Variants in ZMYM1 observed in about 807,000 individuals in gnomAD.
The protein encoded by ZMYM1 is zinc finger MYM-type protein 1.
ZMYM1 carries 39 observed loss-of-function variants against 60.0 expected under a neutral mutation model. The ratio of observed to expected loss-of-function variants is 0.65; its 90% CI spans 0.50 to 0.85. The LOEUF is 0.85. Ranked by LOEUF, ZMYM1 falls within the 40% of genes least tolerant of loss-of-function variation. The pLI is 0.00. For missense variants in ZMYM1, 1,171 were observed against 1,309.5 expected, an observed-to-expected ratio of 0.89 and a Z score of 1.63; for synonymous variants, 413 against 454.0, an observed-to-expected ratio of 0.91 and a Z score of 1.15.
chr1:35,091,829 G>T (rs1643023094), intron 1 of ZMYM1, among the ~76,000 whole-genome samples: 1 of 145,430 alleles, frequency 6.9e-6, no homozygotes, highest in African/African-American at 2.5e-5. Context: ...CCAGGAGGGT[G>T]AGGCTGCAGT....
At chr1:35,078,264 A>ATGGTCCTTAAT (rs1204528989), upstream of ZMYM1, among the ~76,000 whole-genome samples, 5 of 152,210 alleles carry the variant, frequency 3.3e-5, no homozygotes, top group Non-Finnish European at 1.5e-5. Context: ...TTTAAGGACC[A>ATGGTCCTTAAT]TAGCAGCAAG....
chr1:35,113,551 A>T lies in ZMYM1; in HGVS notation c.1721A>T (p.Asn574Ile). The T allele has an allele frequency of 1.2e-6, 2 of 1,613,404 alleles. No individual in the cohort carries two copies. Among genetic ancestry groups the T allele is most frequent in the Non-Finnish European group, 1.7e-6 (2 of 1,179,806 alleles). The change falls in exon 10 of 10, where the codon AAC becomes ATC. Residue 574 changes from asparagine (N) to isoleucine (I), a missense_variant. Transcript: ENST00000359858. ...LGKQCLPLRG[N>I]DQSVSSVNKG... ...AAGCAGTGTTTACCCTTAAGAGGAA[A>T]CGACCAGTCAGTTTCATCTGTGAAT...
chr1:35,095,932 A>G (rs970419762), intron 3 of ZMYM1, 41 bp downstream of exon 3: 2 of 1,383,536 alleles, frequency 1.4e-6, no homozygotes, highest in Non-Finnish European at 2.0e-6. Context: ...ATTCAGACCA[A>G]TACGACAGCT....
At chr1:35,097,631 G>A (rs1381334515) in intron 4 of ZMYM1, 65 bp downstream of exon 4, 3 of 1,572,126 alleles carry the variant, frequency 1.9e-6, no homozygotes, top group Non-Finnish European at 2.6e-6. Flanking sequence ...AGTCTTAGTT[G>A]TAATTTCTAC....
At chr1:35,089,630 AT>A (rs5773496) in intron 1 of ZMYM1, among the ~76,000 whole-genome samples, 133,310 of 151,434 alleles carry the variant, frequency 0.88, 58,827 homozygotes, top group Non-Finnish European at 0.93. Flanking sequence ...GTTTTTTGTT[AT>A]TTTTTTCTTT....
intron 1 of ZMYM1, among the ~76,000 whole-genome samples, chr1:35,091,532 C>G (rs1239072343): frequency 1.3e-5 from 2 of 151,804 alleles, no homozygotes; most frequent in Non-Finnish European, 2.9e-5. Flanking sequence ...ATTTAATAGG[C>G]AATTAGGTAT....
At chr1:35,092,351 G>T (rs1464847599) in intron 1 of ZMYM1, among the ~76,000 whole-genome samples, 2 of 151,624 alleles carry the variant, frequency 1.3e-5, no homozygotes, top group Non-Finnish European at 1.5e-5. Context: ...TCCTGCCTTA[G>T]CTTCCTGAGT....
At chr1:35,097,792 G>A (rs1423448370) in intron 4 of ZMYM1, 2 of 514,426 alleles carry the variant, frequency 3.9e-6, no homozygotes, top group East Asian at 7.3e-5. Context: ...TTACAGCCAT[G>A]CACCACCACG....
At chr1:35,092,980 G>C (rs1643113785) in intron 1 of ZMYM1, among the ~76,000 whole-genome samples, 1 of 152,150 alleles carries the variant, frequency 6.6e-6, no homozygotes, top group East Asian at 1.9e-4. Context: ...GGCAAGGAGA[G>C]TACTGGGGAA....
Position 35,112,087 on chromosome 1 carries a change from A to C in ZMYM1, c.1103A>C (p.Asp368Ala). 6.2e-7 allele frequency: 1 copy of C among 1,613,024 alleles called. No individual in the cohort carries two copies. Among genetic ancestry groups the C allele is most frequent in the South Asian group, 1.1e-5 (1 of 90,860 alleles). ...LPIMNTDVLQDTVSSVTATAD... is the reference protein window; with the variant it reads ...LPIMNTDVLQATVSSVTATAD... ...TTGAATTTATGCTCTATTTTAACAG[A>C]TACAGTTTCTTCAGTAACAGCAACA... Residue 368 changes from aspartate (D) to alanine (A), a missense_variant and splice_region_variant, in exon 9 of 10, where the codon GAT becomes GCT. Transcript: ENST00000359858.
At chr1:35,087,416 T>C (rs1278879241) in intron 1 of ZMYM1, among the ~76,000 whole-genome samples, 1 of 133,908 alleles carries the variant, frequency 7.5e-6, no homozygotes, top group Non-Finnish European at 1.6e-5. Context: ...AAATAACTCT[T>C]GAAACTTGCA....
rs935702580 is a variant in ZMYM1 at position 35,097,525 on chromosome 1, T to C, written c.378T>C (p.Ser126=). The part of the protein sequence containing the change: ...PCITEYISSA[S]SPVPSKRTCS... ...TCACTGAATACATTTCATCTGCCAG[T>C]TCACCAGTTCCTTCTAAGAGAACTT... The change falls in exon 4 of 10, where the codon AGT becomes AGC. Residue 126 remains serine (S), a synonymous_variant. Coordinates refer to ENST00000359858, the MANE Select transcript of ZMYM1 (RefSeq NM_024772.5). 2 of 1,614,120 alleles carry C rather than the reference T, an allele frequency of 1.2e-6. No individual in the cohort carries two copies. The highest frequency in any genetic ancestry group is 2.7e-5 in the African/African-American group (2 of 74,958).
downstream of ZMYM1, among the ~76,000 whole-genome samples, chr1:35,116,804 G>T (rs1213440558): frequency 7.2e-6 from 1 of 139,548 alleles, no homozygotes; most frequent in Non-Finnish European, 1.5e-5. Flanking sequence ...AGATTTGAAA[G>T]AATTAAGTGG....
At position 35,106,788 on chromosome 1, in the gene ZMYM1, T is replaced by C. The variant is rs771188235; in HGVS notation, c.807+2019T>C. Among the ~76,000 whole-genome samples, 110 of 152,136 alleles carry C rather than the reference T, an allele frequency of 7.2e-4. 1 individual carries two copies. Among genetic ancestry groups the C allele is most frequent in the Non-Finnish European group, 1.2e-3 (83 of 67,996 alleles). ...AAAGGCAGGAAATAATATTCCTTTT[T>C]TTTTCTTTCTTTCTTTTTGACACTC... On this transcript the variant is annotated intron_variant, in intron 6 of 9. Transcript: ENST00000359858.
chr1:35,088,968 C>G (rs576069709), intron 1 of ZMYM1, among the ~76,000 whole-genome samples: 1 of 151,756 alleles, frequency 6.6e-6, no homozygotes, highest in South Asian at 2.1e-4. Context: ...CCCACCACCA[C>G]GCCCGGCTAA....
At chr1:35,065,536 C>T (rs1021665753) in intron 1 of ZMYM1, among the ~76,000 whole-genome samples, 8 of 151,384 alleles carry the variant, frequency 5.3e-5, no homozygotes, top group Non-Finnish European at 7.4e-5. Context: ...CATGAATCTT[C>T]GGCTGTGCAG....
rs1643393489 is a variant in ZMYM1 at position 35,097,417 on chromosome 1, T to A, written c.270T>A (p.Ala90=). The A allele has an allele frequency of 6.2e-7, 1 of 1,614,212 alleles. No individual in the cohort carries two copies. ...VSTTAIQVSC[A]GCKKILQKGQ... ...CCACAGCTATTCAGGTTTCCTGTGC[T>A]GGTTGTAAAAAAATTCTCCAGAAGG... is the stretch of plus-strand genomic sequence containing the variant. The change falls in exon 4 of 10, where the codon GCT becomes GCA. Residue 90 remains alanine, a synonymous_variant. Transcript: ENST00000359858.
At position 35,111,830 on chromosome 1, in the gene ZMYM1, T is replaced by TA; in HGVS notation, c.1021dup (p.Thr341AsnfsTer24). On this transcript the variant is annotated frameshift_variant, in exon 8 of 10. Coordinates refer to ENST00000359858, the MANE Select transcript of ZMYM1 (RefSeq NM_024772.5). LOFTEE classifies it high-confidence loss of function. ...CAGAGCTTCTTTCTCCAAAGAAAGATACGACTCCAGTTATAAGCAATATAG... is the reference window on the plus strand; with the variant it reads ...CAGAGCTTCTTTCTCCAAAGAAAGATAACGACTCCAGTTATAAGCAATATAG... 6.2e-7 allele frequency: 1 copy of TA among 1,609,098 alleles called. No homozygotes were observed.
intron 1 of ZMYM1, among the ~76,000 whole-genome samples, chr1:35,069,350 G>A (rs1286436129): frequency 2.0e-5 from 3 of 152,236 alleles, no homozygotes; most frequent in African/African-American, 7.2e-5. Flanking sequence ...GTGATGTTGA[G>A]TATTTTTTCG....
Sources: allele counts gnomAD v4.1 joint callset (sites outside exome capture counted in the v4.1 genomes callset), GRCh38; gene constraint gnomAD v4.1.1; transcripts MANE v1.5; gene names NCBI Gene and HGNC (gene_info 2026-07-23, HGNC 2026-07-21).